The following PCDH15 variants were observed in gnomAD, a reference collection of about 807,000 sequenced individuals.
PCDH15 encodes protocadherin-15.
Under a neutral mutation model 178.5 loss-of-function variants are expected in PCDH15, and 129 were observed. That is an observed-to-expected ratio of 0.72 (90% CI 0.63 to 0.84). PCDH15 has a LOEUF of 0.84. Among genes scored for constraint, PCDH15 ranks in the 40% least tolerant of loss-of-function variants. The pLI, the probability that PCDH15 is intolerant of heterozygous loss-of-function variation, is 0.00. For missense variants in PCDH15, 2,230 were observed against 2,099.9 expected (o/e 1.06, Z -1.21); for synonymous variants, 800 against 732.0 (o/e 1.09, Z -1.50).
intron 2 of PCDH15, among the ~76,000 whole-genome samples, chr10:55,534,108 T>G (rs1215344717): frequency 6.6e-6 from 1 of 151,796 alleles, no homozygotes; most frequent in Non-Finnish European, 1.5e-5. Context: ...TTTAAAGACA[T>G]CGAATTATAA....
At chr10:55,473,056 T>C (rs1839995978) in intron 2 of PCDH15, among the ~76,000 whole-genome samples, 4 of 152,250 alleles carry the variant, frequency 2.6e-5, no homozygotes, top group Middle Eastern at 3.4e-3. Flanking sequence ...TTCAGATGAA[T>C]AGAATATAAA....
At chr10:54,976,011 A>G (rs2131898784) in intron 2 of PCDH15, among the ~76,000 whole-genome samples, 1 of 152,196 alleles carries the variant, frequency 6.6e-6, no homozygotes, top group East Asian at 1.9e-4. Context: ...CATTTCTTCC[A>G]TCCTTAAGTG....
intron 2 of PCDH15, among the ~76,000 whole-genome samples, chr10:54,909,535 C>T (rs1428955141): frequency 1.3e-5 from 2 of 152,142 alleles, no homozygotes; most frequent in African/African-American, 2.4e-5. Flanking sequence ...GCAGGCCCAA[C>T]TGTGGGGAGA....
At chr10:54,753,520 A>C (rs527615606) in intron 1 of PCDH15, among the ~76,000 whole-genome samples, 31 of 151,376 alleles carry the variant, frequency 2.0e-4, no homozygotes, top group African/African-American at 6.9e-4. Flanking sequence ...AACAAAAAAA[A>C]AAACTTAAAT....
chr10:54,383,272 T>A, intron 3 of PCDH15, among the ~76,000 whole-genome samples: 1 of 151,262 alleles, frequency 6.6e-6, no homozygotes. Flanking sequence ...ATATGTAAAA[T>A]ATAAAACAAA....
At chr10:54,422,416 G>T (rs1589325729) in intron 3 of PCDH15, among the ~76,000 whole-genome samples, 1 of 152,038 alleles carries the variant, frequency 6.6e-6, no homozygotes, top group East Asian at 1.9e-4. Flanking sequence ...ATGATAAGTG[G>T]TCAATAAAAT....
At chr10:55,467,300 A>C (rs935629020) in intron 2 of PCDH15, among the ~76,000 whole-genome samples, 1 of 151,850 alleles carries the variant, frequency 6.6e-6, no homozygotes, top group African/African-American at 2.4e-5. Context: ...GAGCAGAGAC[A>C]GAGTTGCTGT....
chr10:55,049,384 A>G (rs1023310401), intron 2 of PCDH15, among the ~76,000 whole-genome samples: 15 of 151,918 alleles, frequency 9.9e-5, no homozygotes, highest in South Asian at 2.1e-4. Flanking sequence ...CTTCTCGGAA[A>G]TGCAGTGAGG....
chr10:54,510,210 T>A (rs905136162), intron 3 of PCDH15, among the ~76,000 whole-genome samples: 1 of 152,166 alleles, frequency 6.6e-6, no homozygotes, highest in Admixed American at 6.6e-5. Flanking sequence ...CCTAAAGAAG[T>A]TAGTGGTAAA....
At chr10:55,561,251 A>G (rs1279794729) in intron 2 of PCDH15, among the ~76,000 whole-genome samples, 1 of 151,858 alleles carries the variant, frequency 6.6e-6, no homozygotes, top group South Asian at 2.1e-4. Flanking sequence ...ATATAAACTT[A>G]TTTTATTATA....
At chr10:55,205,261 A>C (rs1840365588) in intron 1 of PCDH15, among the ~76,000 whole-genome samples, 1 of 152,062 alleles carries the variant, frequency 6.6e-6, no homozygotes, top group South Asian at 2.1e-4. Flanking sequence ...ACAGATATCT[A>C]TGATAATATA....
chr10:55,144,078 G>A (rs554624265), intron 2 of PCDH15, among the ~76,000 whole-genome samples: 1 of 151,928 alleles, frequency 6.6e-6, no homozygotes, highest in South Asian at 2.1e-4. Flanking sequence ...TTGATGACTG[G>A]GCACACTTAC....
At chr10:54,281,357 G>A (rs2058695238) in intron 8 of PCDH15, among the ~76,000 whole-genome samples, 1 of 151,910 alleles carries the variant, frequency 6.6e-6, no homozygotes, top group Non-Finnish European at 1.5e-5. Flanking sequence ...GTCTAAAAAT[G>A]TATAACAGTA....
chr10:53,976,170 T>C (rs12217383), intron 21 of PCDH15, among the ~76,000 whole-genome samples: 10,822 of 152,098 alleles, frequency 0.071, 1,085 homozygotes, highest in African/African-American at 0.22. Context: ...ATTACTGCAG[T>C]CTTGTATTAA....
intron 2 of PCDH15, among the ~76,000 whole-genome samples, chr10:55,463,989 AAGAGAAAGAAAG>A (rs1190361478): frequency 0.027 from 470 of 17,236 alleles, 78 homozygotes; most frequent in African/African-American, 0.12. Flanking sequence ...GAAAGAAAGA[AAGAGAAAGAAAG>A]AAAGAAAGAA....
chr10:53,814,703 C>T (rs572471708), intron 35 of PCDH15, among the ~76,000 whole-genome samples: 18 of 152,178 alleles, frequency 1.2e-4, no homozygotes, highest in African/African-American at 3.9e-4. Flanking sequence ...CGGTGGCTCA[C>T]GCCTGTACTC....
intron 9 of PCDH15, among the ~76,000 whole-genome samples, chr10:54,221,823 G>A (rs1481352224): frequency 4.6e-5 from 7 of 152,048 alleles, no homozygotes; most frequent in African/African-American, 9.7e-5. Context: ...GGCTGGTTTC[G>A]AACTCCTGCC....
chr10:55,209,092 G>A (rs1840487648), intron 1 of PCDH15, among the ~76,000 whole-genome samples: 1 of 151,940 alleles, frequency 6.6e-6, no homozygotes. Context: ...CATATAAACA[G>A]GATAAAAAAG....
chr10:54,141,327 T>C (rs2043386483), intron 14 of PCDH15, among the ~76,000 whole-genome samples: 1 of 152,132 alleles, frequency 6.6e-6, no homozygotes, highest in Non-Finnish European at 1.5e-5. Context: ...TCTGAGTATA[T>C]TGATAGCTAT....
Sources: allele counts gnomAD v4.1 joint callset (sites outside exome capture counted in the v4.1 genomes callset), GRCh38; gene constraint gnomAD v4.1.1; transcripts MANE v1.5; gene names NCBI Gene and HGNC (gene_info 2026-07-23, HGNC 2026-07-21).